The following FER1L5 variants were observed in gnomAD, a reference collection of about 807,000 sequenced individuals.
FER1L5 encodes the protein fer-1-like protein 5.
A neutral mutation model predicts 279.9 loss-of-function variants in FER1L5; 187 were observed. The ratio of observed to expected loss-of-function variants is 0.67; its 90% CI spans 0.59 to 0.75. FER1L5 has a LOEUF of 0.75. FER1L5 is among the 30% of genes least tolerant of loss of function. The pLI, the probability that FER1L5 is intolerant of heterozygous loss-of-function variation, is 0.00. For synonymous variants in FER1L5, 921 were observed against 989.7 expected (o/e 0.93, Z 1.30); for missense variants, 2,091 against 2,594.4 (o/e 0.81, Z 4.21).
chr2:96,663,394 G>C (rs1037137236), intron 13 of FER1L5, 45 bp from the exon 14 acceptor site: 13 of 1,534,478 alleles, frequency 8.5e-6, no homozygotes, highest in Middle Eastern at 1.7e-4. Flanking sequence ...TCAGTGGAGG[G>C]AGGAGGGGGC....
Position 96,695,877 on chromosome 2 carries a change from C to T in FER1L5, c.4030C>T (p.Gln1344Ter). The stretch of plus-strand genomic sequence containing the variant: ...GCCCTACTTCTGTGACCCCTGGGCT[C>T]AAGACTATATGCACCCAAAGCTTCC... Reference protein sequence around the residue: ...LQPYFCDPWAQDYMHPKLPTL... With the variant: ...LQPYFCDPWA Residue 1344 changes from glutamine (Q) to a stop codon, truncating the protein, a stop_gained, in exon 36 of 53, where the codon CAA becomes TAA. Coordinates refer to ENST00000624922, the MANE Select transcript of FER1L5 (RefSeq NM_001293083.2). LOFTEE classifies it high-confidence loss of function. 3 of 1,613,672 alleles carry T rather than the reference C, an allele frequency of 1.9e-6. No individual in the cohort carries two copies. The highest frequency in any genetic ancestry group is 2.5e-6 in the Non-Finnish European group (3 of 1,179,820).
Position 96,691,282 on chromosome 2 carries a change from TGGGCGC to T in FER1L5, c.2838_2843del (p.Trp946_Arg948delinsCys), listed in dbSNP as rs2077132459. The T allele has an allele frequency of 3.2e-6, 5 of 1,550,566 alleles. No homozygotes were observed. Among genetic ancestry groups the T allele is most frequent in the Non-Finnish European group, 4.4e-6 (5 of 1,146,858 alleles). ...CTACCACTCGTGCCGCCGCCGGCGC[TGGGCGC>T]GTGTGCGCTTCAGGAACCATGGGGA... is the stretch of plus-strand genomic sequence containing the variant. On this transcript the variant is annotated inframe_deletion, in exon 28 of 53. Coordinates refer to ENST00000624922, the MANE Select transcript of FER1L5 (RefSeq NM_001293083.2). This position sits in a 1 kb window ranked among gnomAD's most constrained non-coding sequence, Gnocchi z 6.0.
At position 96,689,627 on chromosome 2, in the gene FER1L5, G is replaced by A. The variant is rs1299934311; in HGVS notation, c.2526-17G>A. 1.0e-5 allele frequency: 16 copies of A among 1,547,770 alleles called. No homozygotes were observed. Among genetic ancestry groups the A allele is most frequent in the Non-Finnish European group, 1.4e-5 (16 of 1,144,156 alleles). On this transcript the variant is annotated splice_polypyrimidine_tract_variant and intron_variant, in intron 25 of 52. Coordinates refer to ENST00000624922, the MANE Select transcript of FER1L5 (RefSeq NM_001293083.2). This position sits in a 1 kb window ranked among gnomAD's most constrained non-coding sequence, Gnocchi z 4.6. The stretch of plus-strand genomic sequence containing the variant: ...TTGGGGAGTTGTGCTGGGAACTTGG[G>A]GTCTCATTACCCCCAGGCTCCTCCT...
chr2:96,658,501 C>T (rs2075690985), intron 9 of FER1L5, among the ~76,000 whole-genome samples: 1 of 152,026 alleles, frequency 6.6e-6, no homozygotes, highest in African/African-American at 2.4e-5. Context: ...ATTAGCCCGC[C>T]TCGGCCTCCC....
At chr2:96,697,956 G>T in intron 39 of FER1L5, 81 bp from the exon 40 acceptor site, 1 of 1,509,224 alleles carries the variant, frequency 6.6e-7, no homozygotes. Flanking sequence ...GCTTTGGAGT[G>T]AGACCTGGGA....
Position 96,670,173 on chromosome 2 carries a change from G to A in FER1L5, c.1417G>A (p.Glu473Lys). Residue 473 changes from glutamate (E) to lysine (K), a missense_variant, in exon 18 of 53, where the codon GAG becomes AAG. By Grantham distance (56) the Glu-to-Lys change is moderately conservative. Coordinates refer to ENST00000624922, the MANE Select transcript of FER1L5 (RefSeq NM_001293083.2). Reference sequence around the variant, plus strand: ...AGCTTATCGAGGCCGAGTCTTCCTGGAGTTAATCACCCAAATCAAGTCCTA... The same window carrying A: ...AGCTTATCGAGGCCGAGTCTTCCTGAAGTTAATCACCCAAATCAAGTCCTA... Reference protein sequence around the residue: ...GLAYRGRVFLELITQIKSYQD... With the variant: ...GLAYRGRVFLKLITQIKSYQD... 6.4e-7 allele frequency: 1 copy of A among 1,551,600 alleles called. No homozygotes were observed. Among genetic ancestry groups the A allele is most frequent in the Non-Finnish European group, 8.7e-7 (1 of 1,146,980 alleles).
Position 96,642,782 on chromosome 2 carries a change from A to C in FER1L5, c.-55A>C. On this transcript the variant is annotated 5_prime_UTR_variant, in exon 1 of 53. Coordinates refer to ENST00000624922, the MANE Select transcript of FER1L5 (RefSeq NM_001293083.2). Reference sequence around the variant, plus strand: ...GAAAAGTCTTGGACTGAGGAGCTCCAAAAAGGAAGCTGTGGCGCTGCGTAG... The same window carrying C: ...GAAAAGTCTTGGACTGAGGAGCTCCCAAAAGGAAGCTGTGGCGCTGCGTAG... 6.6e-7 allele frequency: 1 copy of C among 1,525,164 alleles called. No homozygotes were observed. The highest frequency in any genetic ancestry group is 2.5e-5 in the East Asian group (1 of 40,054). 94.5% of individuals were successfully genotyped at this position (1,525,164 alleles called of 1,614,324 possible).
At chr2:96,662,106 G>C (rs1272055145) in intron 12 of FER1L5, 109 bp from the exon 13 acceptor site, 1 of 1,112,122 alleles carries the variant, frequency 9.0e-7, no homozygotes, top group African/African-American at 1.5e-5. Flanking sequence ...TGCCCAGGGG[G>C]CACCCCTCTA....
chr2:96,647,436 C>T (rs1281985432), intron 3 of FER1L5, among the ~76,000 whole-genome samples: 1 of 152,196 alleles, frequency 6.6e-6, no homozygotes. Context: ...TTATCACAGC[C>T]TCATCTAGTG....
Position 96,698,794 on chromosome 2 carries a change from CGAG to C in FER1L5, c.4481_4483del (p.Arg1494_Ala1495delinsPro). The stretch of plus-strand genomic sequence containing the variant: ...GTGCTTGGTGCGGGTGTACATGGTA[CGAG>C]CCATCAACCTGCAGCCCCAGGACTA... On this transcript the variant is annotated inframe_deletion, in exon 41 of 53. Transcript: ENST00000624922. The surrounding 1 kb of genome is among the most constrained non-coding windows in gnomAD (Gnocchi z 5.5). The C allele has an allele frequency of 6.4e-7, 1 of 1,565,600 alleles. No homozygotes were observed. Among genetic ancestry groups the C allele is most frequent in the Admixed American group, 1.9e-5 (1 of 52,986 alleles).
chr2:96,693,787 G>A, intron 32 of FER1L5, 100 bp downstream of exon 32: 7 of 1,480,410 alleles, frequency 4.7e-6, no homozygotes, highest in Non-Finnish European at 6.3e-6. Context: ...GCTCCCATGA[G>A]GCCTGACGTG....
chr2:96,659,643 C>T (rs1274473532), intron 9 of FER1L5, among the ~76,000 whole-genome samples: 2 of 150,782 alleles, frequency 1.3e-5, no homozygotes, highest in African/African-American at 4.9e-5. Flanking sequence ...AGGGGCCCGC[C>T]ACCACGCCCG....
intron 18 of FER1L5, 148 bp from the exon 19 acceptor site, chr2:96,672,929 G>T (rs1229054152): frequency 1.3e-5 from 12 of 935,426 alleles, no homozygotes; most frequent in Non-Finnish European, 1.6e-5. Context: ...GGATCAGCAG[G>T]GTGCGAGGGA....
intron 32 of FER1L5, 77 bp downstream of exon 32, chr2:96,693,764 A>C (rs1558918172): frequency 6.7e-7 from 1 of 1,495,042 alleles, no homozygotes; most frequent in Non-Finnish European, 9.0e-7. Context: ...TTAGATGAAA[A>C]TGTATGGAAA....
In FER1L5 at chr2:96,648,155, C is replaced by T. The variant is rs2075216904; in HGVS notation, c.339+269C>T. ...CCATGGTCTGTTGGAGTAGGCTCCA[C>T]TCACAGTGACAGGCGCTCCAGCACC... is the stretch of plus-strand genomic sequence containing the variant. On this transcript the variant is annotated intron_variant, in intron 4 of 52. Transcript: ENST00000624922. Among the ~76,000 whole-genome samples, 3 of 152,348 alleles carry T rather than the reference C, an allele frequency of 2.0e-5. No homozygotes were observed. In the South Asian group the frequency reaches 6.2e-4, roughly 32 times the overall value.
At chr2:96,649,509 C>A in intron 4 of FER1L5, 114 bp from the exon 5 acceptor site, 1 of 950,042 alleles carries the variant, frequency 1.1e-6, no homozygotes, top group Non-Finnish European at 1.6e-6. Context: ...TGACTAGCAT[C>A]ACGGCCCCCA....
intron 9 of FER1L5, among the ~76,000 whole-genome samples, chr2:96,659,680 A>G (rs2075882183): frequency 6.6e-6 from 1 of 150,464 alleles, no homozygotes; most frequent in Non-Finnish European, 1.5e-5. Context: ...TTTAGTAGAG[A>G]CAAGGTTTCA....
At chr2:96,649,477 C>T (rs2075276661) in intron 4 of FER1L5, 146 bp from the exon 5 acceptor site, 1 of 692,262 alleles carries the variant, frequency 1.4e-6, no homozygotes, top group Non-Finnish European at 2.6e-6. Flanking sequence ...TGTGCAGATG[C>T]CCATGGTGTG....
chr2:96,662,345 G>A, intron 13 of FER1L5, 78 bp downstream of exon 13: 1 of 1,327,808 alleles, frequency 7.5e-7, no homozygotes, highest in Admixed American at 2.0e-5. Flanking sequence ...TGGCCTGGTG[G>A]GCAAGACCAC....
Sources: allele counts gnomAD v4.1 joint callset (sites outside exome capture counted in the v4.1 genomes callset), GRCh38; gene constraint gnomAD v4.1.1; non-coding constraint Gnocchi (gnomAD v3.1); transcripts MANE v1.5; gene names NCBI Gene and HGNC (gene_info 2026-07-23, HGNC 2026-07-21).